Variants in ESRRG observed in about 807,000 individuals in gnomAD.
ESRRG encodes estrogen-related receptor gamma.
ESRRG carries 13 observed loss-of-function variants against 44.0 expected under a neutral mutation model. That is an observed-to-expected ratio of 0.30 (90% CI 0.19 to 0.47). The LOEUF (loss-of-function observed/expected upper bound fraction) is 0.47. Among genes scored for constraint, ESRRG ranks in the 20% least tolerant of loss-of-function variants. The pLI is 1.00. For synonymous variants in ESRRG, 215 were observed against 214.6 expected, an observed-to-expected ratio of 1.00 and a Z score of -0.02; for missense variants, 395 against 580.6, an observed-to-expected ratio of 0.68 and a Z score of 3.29.
intron 2 of ESRRG, among the ~76,000 whole-genome samples, chr1:216,786,858 G>T (rs980725787): frequency 6.6e-6 from 1 of 152,046 alleles, no homozygotes; most frequent in Non-Finnish European, 1.5e-5. Flanking sequence ...GCACATTTAG[G>T]ACACCTAAAA....
intron 1 of ESRRG, among the ~76,000 whole-genome samples, chr1:217,016,678 A>G (rs1386237392): frequency 6.6e-6 from 1 of 152,172 alleles, no homozygotes; most frequent in African/African-American, 2.4e-5. Context: ...CCGGAAAAGA[A>G]CCATCAAAAG....
intron 3 of ESRRG, among the ~76,000 whole-genome samples, chr1:216,615,143 C>T (rs576882318): frequency 2.6e-5 from 4 of 152,306 alleles, no homozygotes; most frequent in Non-Finnish European, 2.9e-5. Flanking sequence ...GGTGATGAGC[C>T]TGTCACATTT....
rs11810659 is a variant in ESRRG, at chr1:216,535,647, G to A, written c.863-16226C>T. Among the ~76,000 whole-genome samples, 1,031 of 152,040 alleles carry A rather than the reference G, an allele frequency of 6.8e-3. 5 individuals carry two copies. Among genetic ancestry groups the A allele is most frequent in the African/African-American group, 0.024 (976 of 41,454 alleles). On this transcript the variant is annotated intron_variant, in intron 5 of 6. Transcript: ENST00000408911. ...TCAATCCATCTGCTCTGGCCACCTT[G>A]AAGATTTTGATCCACCAATTTTCTA...
intron 1 of ESRRG, among the ~76,000 whole-genome samples, chr1:217,129,985 T>C (rs145041355): frequency 8.5e-5 from 13 of 152,254 alleles, no homozygotes; most frequent in Non-Finnish European, 1.6e-4. Context: ...GAAGTTTACC[T>C]CATTAAAAAG....
chr1:216,510,964 T>C (rs1470234424), intron 6 of ESRRG, among the ~76,000 whole-genome samples: 2 of 152,208 alleles, frequency 1.3e-5, no homozygotes, highest in Non-Finnish European at 2.9e-5. Flanking sequence ...TCTTCTGGAC[T>C]TTTAGACCAT....
chr1:216,735,222 T>C (rs995119994), intron 2 of ESRRG, among the ~76,000 whole-genome samples: 1 of 150,480 alleles, frequency 6.6e-6, no homozygotes, highest in African/African-American at 2.5e-5. Context: ...TGTTTTTTTG[T>C]TTTTGAGACA....
Position 216,614,343 on chromosome 1 carries a change from C to CTT in ESRRG, c.589+36628_589+36629dup, listed in dbSNP as rs397716385. Among the ~76,000 whole-genome samples, 134 of 149,842 alleles carry CTT rather than the reference C, an allele frequency of 8.9e-4. 1 individual carries two copies. In the Middle Eastern group the frequency reaches 0.014, roughly 16 times the overall value. ...TGACCCTCTGTGACATCCTCTTTCTCTTTTTTTTTTGACATTTGAATACAG... is the reference window on the plus strand; with the variant it reads ...TGACCCTCTGTGACATCCTCTTTCTCTTTTTTTTTTTTGACATTTGAATACAG... On this transcript the variant is annotated intron_variant, in intron 3 of 6. Coordinates refer to ENST00000408911, the MANE Select transcript of ESRRG (RefSeq NM_001438.4).
At chr1:217,035,259 G>A (rs2082682664) in intron 1 of ESRRG, among the ~76,000 whole-genome samples, 1 of 148,930 alleles carries the variant, frequency 6.7e-6, no homozygotes, top group Non-Finnish European at 1.5e-5. Flanking sequence ...GTAGAGGTAG[G>A]AGGCTCACTT....
chr1:216,673,099 G>T (rs1446295138), intron 2 of ESRRG, among the ~76,000 whole-genome samples: 2 of 152,056 alleles, frequency 1.3e-5, no homozygotes. Flanking sequence ...TTAATGGAGG[G>T]GAGGGAGAGA....
Position 216,723,271 on chromosome 1 carries a change from T to G in ESRRG, c.29A>C (p.Glu10Ala). 6.2e-7 allele frequency: 1 copy of G among 1,613,744 alleles called. No homozygotes were observed. Among genetic ancestry groups the G allele is most frequent in the Non-Finnish European group, 8.5e-7 (1 of 1,179,958 alleles). Reference protein sequence around the residue: MDSVELCLPESFSLHYEEEL... With the variant: MDSVELCLPASFSLHYEEEL... ...TTCCTCGTAGTGCAGGGAAAAAGAT[T>G]CAGGAAGGCAAAGTTCTACCGAATC... is the stretch of plus-strand genomic sequence containing the variant. Residue 10 changes from glutamate to alanine, a missense_variant, in exon 1 of 7, where the codon GAA becomes GCA. By Grantham distance (107) the Glu-to-Ala change is moderately radical. Around this residue, in one of 5 missense-constraint regions of ESRRG, gnomAD observed 148 missense variants for 150.4 expected, o/e 0.98. Coordinates refer to ENST00000408911, the MANE Select transcript of ESRRG (RefSeq NM_001438.4).
intron 1 of ESRRG, among the ~76,000 whole-genome samples, chr1:217,001,207 C>A (rs564664824): frequency 6.6e-6 from 1 of 152,140 alleles, no homozygotes; most frequent in South Asian, 2.1e-4. Context: ...TTCTTTTCTT[C>A]GGTTCTTTTT....
rs554838697 is a variant in ESRRG, at chr1:216,817,855, TAAG to T, written c.-14+121724_-14+121726del. Among the ~76,000 whole-genome samples, 49 of 152,048 alleles carry T rather than the reference TAAG, an allele frequency of 3.2e-4. 2 individuals carry two copies. In the South Asian group the frequency reaches 8.9e-3, roughly 28 times the overall value. On this transcript the variant is annotated intron_variant, in intron 2 of 7. Coordinates refer to the ESRRG transcript ENST00000359162. ...AGATTTCTGAAGCACAAAGTCACAA[TAAG>T]AAGATCAGCAGAACAGACTGAAATA...
chr1:216,887,760 AT>A (rs1397819372), intron 2 of ESRRG, among the ~76,000 whole-genome samples: 3 of 152,202 alleles, frequency 2.0e-5, no homozygotes, highest in Admixed American at 6.5e-5. Flanking sequence ...ATTGAACTGT[AT>A]TAAAAGATAT....
At chr1:216,521,125 T>C (rs549113114) in intron 5 of ESRRG, among the ~76,000 whole-genome samples, 2 of 152,192 alleles carry the variant, frequency 1.3e-5, no homozygotes, top group African/African-American at 4.8e-5. Flanking sequence ...TTTGACAGGA[T>C]TTCTTTTGGA....
chr1:216,540,965 A>G (rs1261965525), intron 5 of ESRRG, among the ~76,000 whole-genome samples: 1 of 152,044 alleles, frequency 6.6e-6, no homozygotes, highest in Non-Finnish European at 1.5e-5. Flanking sequence ...CGGGAAGATG[A>G]CATTTACTAA....
At chr1:216,791,732 TA>T (rs2094326619) in intron 2 of ESRRG, among the ~76,000 whole-genome samples, 1 of 152,200 alleles carries the variant, frequency 6.6e-6, no homozygotes, top group South Asian at 2.1e-4. Context: ...ATTTTTATCA[TA>T]CCACTTGGTG....
At chr1:216,782,312 T>G (rs972721189) in intron 2 of ESRRG, among the ~76,000 whole-genome samples, 6 of 152,046 alleles carry the variant, frequency 3.9e-5, no homozygotes, top group Non-Finnish European at 2.9e-5. Context: ...CATTGCCACC[T>G]GTGAGTAATG....
At chr1:216,829,405 T>G (rs1249542248) in intron 2 of ESRRG, among the ~76,000 whole-genome samples, 1 of 152,134 alleles carries the variant, frequency 6.6e-6, no homozygotes, top group African/African-American at 2.4e-5. Flanking sequence ...TCCTTACAAC[T>G]ACCCTATAAG....
intron 1 of ESRRG, among the ~76,000 whole-genome samples, chr1:216,955,595 T>C (rs978693949): frequency 6.6e-6 from 1 of 152,154 alleles, no homozygotes; most frequent in African/African-American, 2.4e-5. Context: ...AGTTCTATTT[T>C]TAGGTTTTTT....
Sources: allele counts gnomAD v4.1 joint callset (sites outside exome capture counted in the v4.1 genomes callset), GRCh38; gene constraint gnomAD v4.1.1; regional missense constraint gnomAD v4.1.1; transcripts MANE v1.5; gene names NCBI Gene and HGNC (gene_info 2026-07-23, HGNC 2026-07-21).